Variants in GREB1 observed in about 807,000 individuals in gnomAD.
GREB1 encodes the protein protein GREB1.
GREB1 carries 106 observed loss-of-function variants against 200.7 expected under a neutral mutation model. That is an observed-to-expected ratio of 0.53 (90% CI 0.45 to 0.62). The LOEUF (loss-of-function observed/expected upper bound fraction) is 0.62. Among genes scored for constraint, GREB1 ranks in the 20% least tolerant of loss-of-function variants. The probability of loss-of-function intolerance (pLI) is 0.00; values close to 1 mark genes in which losing one functional copy is unlikely to be tolerated. For missense variants in GREB1, 2,243 were observed against 2,556.8 expected, an observed-to-expected ratio of 0.88 and a Z score of 2.65; for synonymous variants, 1,132 against 1,092.4, an observed-to-expected ratio of 1.04 and a Z score of -0.72.
upstream of GREB1, among the ~76,000 whole-genome samples, chr2:11,532,573 G>A (rs1674114427): frequency 6.6e-6 from 1 of 152,216 alleles, no homozygotes; most frequent in South Asian, 2.1e-4. Flanking sequence ...ACTTCTGATT[G>A]CCGCAGCAGA....
chr2:11,620,620 CT>C (rs1303667293), intron 22 of GREB1, among the ~76,000 whole-genome samples: 7 of 152,204 alleles, frequency 4.6e-5, no homozygotes, highest in African/African-American at 1.7e-4. Context: ...CTTGCTTTGG[CT>C]TATGATAAAC....
Position 11,548,176 on chromosome 2 carries a change from CA to C in GREB1, c.-161-8265del, listed in dbSNP as rs56763287. On this transcript the variant is annotated intron_variant, in intron 1 of 32. Coordinates refer to ENST00000381486, the MANE Select transcript of GREB1 (RefSeq NM_014668.4). The surrounding 1 kb of genome is among the most constrained non-coding windows in gnomAD (Gnocchi z 5.1). ...GGGCAACAGAGCAAGACCCTGTCTC[CA>C]AAAAAAAAAAAACCCACCACACATT... Among the ~76,000 whole-genome samples the C allele has an allele frequency of 0.024, 3,319 of 136,722 alleles. 105 individuals carry two copies. The highest frequency in any genetic ancestry group is 0.079 in the African/African-American group (2,975 of 37,740). The allele number at this position is 136,722 out of a possible 152,430, so 89.7% of individuals were successfully genotyped here. A position where few individuals can be genotyped will look rare whatever the true frequency, so the allele number is the denominator to read the frequency against.
At chr2:11,575,191 A>G (rs1464986505) in intron 4 of GREB1, among the ~76,000 whole-genome samples, 1 of 152,246 alleles carries the variant, frequency 6.6e-6, no homozygotes, top group African/African-American at 2.4e-5. Context: ...AGACTTATCA[A>G]ATGGAGAATA....
rs1373335576 is a variant in GREB1, at chr2:11,538,671, TTCTTTCTTTCTTTCTTTCCTTCCTC to T, written c.-162+4418_-162+4442del. On this transcript the variant is annotated intron_variant, in intron 1 of 32. Transcript: ENST00000381486. ...TTTCTTTCTTTCTTTCTTTCTTTCTTTCTTTCTTTCTTTCTTTCCTTCCTCCCTCCCTCCCTCCCTTCCTCCCTCC... is the reference window on the plus strand; with the variant it reads ...TTTCTTTCTTTCTTTCTTTCTTTCTTCCTCCCTCCCTCCCTTCCTCCCTCC... Among the ~76,000 whole-genome samples the T allele has an allele frequency of 2.3e-4, 10 of 43,916 alleles. 1 individual carries two copies. Among genetic ancestry groups the T allele is most frequent in the African/African-American group, 4.8e-4 (10 of 20,710 alleles). The allele number at this position is 43,916 out of a possible 152,430, so 28.8% of individuals were successfully genotyped here.
At chr2:11,578,818 T>C (rs1481879945) in intron 6 of GREB1, among the ~76,000 whole-genome samples, 1 of 152,178 alleles carries the variant, frequency 6.6e-6, no homozygotes, top group Non-Finnish European at 1.5e-5. Flanking sequence ...TGCTCAGCAC[T>C]CCCCAGCTCC....
In GREB1 at chr2:11,618,759, T is replaced by C; in HGVS notation, c.3884T>C (p.Phe1295Ser). 1 of 1,613,282 alleles carries C rather than the reference T, an allele frequency of 6.2e-7. No individual in the cohort carries two copies. The highest frequency in any genetic ancestry group is 8.5e-7 in the Non-Finnish European group (1 of 1,179,866). The part of the protein sequence containing the change: ...PSPSVMWASS[F>S]RPLLSKTMTS... ...CCCTCGGTCATGTGGGCCAGCTCTT[T>C]CCGCCCCCTGCTCAGCAAGACCATG... The change falls in exon 22 of 33, where the codon TTC (phenylalanine) becomes TCC (serine). Residue 1295 changes from phenylalanine to serine, a missense_variant. Physicochemically the swap from Phe to Ser is radical, Grantham distance 155. This residue lies in a region of GREB1 where 587 missense variants were observed against 553.1 expected (regional missense o/e 1.06). Transcript: ENST00000381486.
In GREB1 at chr2:11,619,004, G is replaced by T. The variant is rs559896311; in HGVS notation, c.4044+85G>T. ...CTGGAGGGCAGGCCTGGGGGTGACC[G>T]CACCCACGTCTTCACTTTTCACCCT... On this transcript the variant is annotated intron_variant, in intron 22 of 32. Coordinates refer to ENST00000381486, the MANE Select transcript of GREB1 (RefSeq NM_014668.4). 4.3e-5 allele frequency: 53 copies of T among 1,238,866 alleles called. No homozygotes were observed. In the African/African-American group the frequency reaches 7.1e-4, roughly 17 times the overall value. The allele number at this position is 1,238,866 out of a possible 1,614,324, so 76.7% of individuals were successfully genotyped here.
intron 5 of GREB1, among the ~76,000 whole-genome samples, chr2:11,577,629 C>T (rs1005478849): frequency 6.6e-6 from 1 of 152,202 alleles, no homozygotes; most frequent in Non-Finnish European, 1.5e-5. Context: ...AGGTGTCCCT[C>T]CCTTGTCTGT....
At chr2:11,626,326 G>A (rs192531398) in intron 24 of GREB1, among the ~76,000 whole-genome samples, 44 of 152,160 alleles carry the variant, frequency 2.9e-4, no homozygotes, top group African/African-American at 8.9e-4. Context: ...GGTGGCTCAC[G>A]CCTGTAATCT....
At chr2:11,491,528 A>G (rs1008056556) in intron 1 of GREB1, among the ~76,000 whole-genome samples, 1 of 152,244 alleles carries the variant, frequency 6.6e-6, no homozygotes, top group African/African-American at 2.4e-5. Context: ...GTAATATGAT[A>G]TGACTGAAAT....
chr2:11,618,636 G>T lies in GREB1; in HGVS notation c.3761G>T (p.Arg1254Leu). ...ASQCSLTKAC[R>L]QPPIVFLPKL... ...CAGTGCTCCTTGACCAAGGCCTGCC[G>T]CCAGCCACCCATTGTCTTCTTGCCC... is the stretch of plus-strand genomic sequence containing the variant. The change falls in exon 22 of 33, where the codon CGC becomes CTC. Residue 1254 changes from arginine to leucine, a missense_variant. By Grantham distance (102) the Arg-to-Leu change is moderately radical. Coordinates refer to ENST00000381486, the MANE Select transcript of GREB1 (RefSeq NM_014668.4). 2 of 1,613,440 alleles carry T rather than the reference G, an allele frequency of 1.2e-6. No homozygotes were observed. The highest frequency in any genetic ancestry group is 8.5e-7 in the Non-Finnish European group (1 of 1,179,934).
chr2:11,588,999 G>T, intron 10 of GREB1, 68 bp downstream of exon 10: 3 of 1,267,544 alleles, frequency 2.4e-6, no homozygotes, highest in Non-Finnish European at 3.4e-6. Flanking sequence ...ACCTGGCCTC[G>T]GCCCTCGTGG....
At chr2:11,596,018 G>A in intron 12 of GREB1, 93 bp from the exon 13 acceptor site, 2 of 1,246,446 alleles carry the variant, frequency 1.6e-6, no homozygotes, top group South Asian at 2.7e-5. Context: ...ATGACTCCAG[G>A]CCTCGGGACA....
In GREB1 at chr2:11,627,053, C is replaced by A. The variant is rs1282761673; in HGVS notation, c.4398C>A (p.Tyr1466Ter). Residue 1466 changes from tyrosine to a stop codon, truncating the protein, a stop_gained, in exon 25 of 33, where the codon TAC (tyrosine) becomes TAA (stop). Transcript: ENST00000381486. LOFTEE classifies it high-confidence loss of function. ...RLSKYAAYNT[Y>*]HHCEQCHQYM... ...CCAAGTACGCAGCGTACAACACTTA[C>A]CACCACTGTGAGCAGTGCCACCAGT... 1 of 1,613,692 alleles carries A rather than the reference C, an allele frequency of 6.2e-7. No homozygotes were observed. Among genetic ancestry groups the A allele is most frequent in the Non-Finnish European group, 8.5e-7 (1 of 1,179,736 alleles).
At chr2:11,522,571 C>G (rs949089523) in intron 1 of GREB1, among the ~76,000 whole-genome samples, 3 of 152,168 alleles carry the variant, frequency 2.0e-5, no homozygotes, top group Non-Finnish European at 4.4e-5. Flanking sequence ...GAGCTTTTGG[C>G]TTTGAAGAGG....
intron 28 of GREB1, 115 bp from the exon 29 acceptor site, chr2:11,634,016 C>T (rs573013137): frequency 5.4e-5 from 53 of 975,796 alleles, no homozygotes; most frequent in African/African-American, 3.5e-4. Flanking sequence ...TGCGGGGCAC[C>T]GGCCCGTCCA....
chr2:11,584,167 C>T (rs769926173), intron 7 of GREB1, among the ~76,000 whole-genome samples: 28 of 152,140 alleles, frequency 1.8e-4, no homozygotes, highest in Non-Finnish European at 5.9e-5. Flanking sequence ...AAAAGTTTCC[C>T]GGTTGAGTTT....
chr2:11,537,986 G>C (rs1674377360), intron 1 of GREB1, among the ~76,000 whole-genome samples: 1 of 151,934 alleles, frequency 6.6e-6, no homozygotes, highest in South Asian at 2.1e-4. Context: ...TGCATTTTTT[G>C]CTGGGTATTT....
rs368697371 is a variant in GREB1, at chr2:11,581,354, G to A, written c.901+522G>A. On this transcript the variant is annotated intron_variant, in intron 7 of 32. Coordinates refer to ENST00000381486, the MANE Select transcript of GREB1 (RefSeq NM_014668.4). ...ATCTGGCAGCTCACTAATCGGTACC[G>A]GCTGTTCTCATCCAAATCAGCCTCA... is the stretch of plus-strand genomic sequence containing the variant. The A allele has an allele frequency of 9.6e-5, 26 of 269,834 alleles. 1 individual carries two copies. The highest frequency in any genetic ancestry group is 6.4e-4 in the East Asian group (8 of 12,476). The allele number at this position is 269,834 out of a possible 1,614,324, so 16.7% of individuals were successfully genotyped here.
Sources: gnomAD v4.1 joint callset for allele counts (sites outside exome capture counted in the v4.1 genomes callset) on GRCh38, gnomAD v4.1.1 for gene constraint, gnomAD v4.1.1 regional missense constraint, Gnocchi (gnomAD v3.1) non-coding constraint, MANE v1.5 for transcripts, NCBI Gene and HGNC (gene_info 2026-07-23, HGNC 2026-07-21) for gene names.